The following PRKG1 variants were observed in gnomAD, a reference collection of about 807,000 sequenced individuals.
The protein encoded by PRKG1 is cGMP-dependent protein kinase 1.
A neutral mutation model predicts 88.1 loss-of-function variants in PRKG1; 35 were observed. That is an observed-to-expected ratio of 0.40 (90% CI 0.30 to 0.53). The LOEUF is 0.53. PRKG1 is among the 20% of genes least tolerant of loss of function. The pLI, the probability that PRKG1 is intolerant of heterozygous loss-of-function variation, is 0.59. For missense variants in PRKG1, 540 were observed against 839.8 expected (o/e 0.64, Z 4.41); for synonymous variants, 303 against 292.5 (o/e 1.04, Z -0.37).
intron 1 of PRKG1, among the ~76,000 whole-genome samples, chr10:51,111,214 T>C (rs1464317786): frequency 1.3e-5 from 2 of 152,180 alleles, no homozygotes; most frequent in Non-Finnish European, 2.9e-5. Flanking sequence ...CATTAAATCA[T>C]TTAATTAGGA....
intron 2 of PRKG1, among the ~76,000 whole-genome samples, chr10:51,437,145 A>C (rs1838956729): frequency 6.6e-6 from 1 of 152,008 alleles, no homozygotes. Flanking sequence ...TAGGAGAGAT[A>C]ATTTTTCCCA....
At chr10:52,037,719 C>T (rs919112857) in intron 5 of PRKG1, among the ~76,000 whole-genome samples, 7 of 152,086 alleles carry the variant, frequency 4.6e-5, no homozygotes, top group African/African-American at 1.7e-4. Flanking sequence ...AAACTGTAAG[C>T]CAGACCAGGT....
chr10:52,244,087 CTTT>C (rs1840937843), intron 9 of PRKG1, among the ~76,000 whole-genome samples: 1 of 152,038 alleles, frequency 6.6e-6, no homozygotes, highest in Admixed American at 6.6e-5. Flanking sequence ...CTTTCTATTT[CTTT>C]AAGTTATTCC....
chr10:52,055,143 A>G (rs1157564610), intron 6 of PRKG1, among the ~76,000 whole-genome samples: 1 of 152,328 alleles, frequency 6.6e-6, no homozygotes, highest in African/African-American at 2.4e-5. Context: ...CTCCAAAAAA[A>G]GAGAAAGTAA....
intron 3 of PRKG1, among the ~76,000 whole-genome samples, chr10:51,566,808 T>C (rs546507273): frequency 8.5e-5 from 13 of 152,112 alleles, no homozygotes; most frequent in African/African-American, 3.1e-4. Context: ...TGTCCTGTGA[T>C]CACTGATTGT....
chr10:51,916,555 T>A (rs1442461212), intron 5 of PRKG1, among the ~76,000 whole-genome samples: 1 of 152,222 alleles, frequency 6.6e-6, no homozygotes, highest in Admixed American at 6.5e-5. Flanking sequence ...GCTTTCACTT[T>A]ACTCTGTGGA....
intron 9 of PRKG1, among the ~76,000 whole-genome samples, chr10:52,190,447 T>C (rs540985857): frequency 2.2e-4 from 33 of 152,206 alleles, no homozygotes; most frequent in Non-Finnish European, 4.4e-4. Context: ...TTAATAAATA[T>C]GAATATGGTG....
At chr10:51,186,539 G>A (rs1033466709) in intron 2 of PRKG1, among the ~76,000 whole-genome samples, 1 of 151,962 alleles carries the variant, frequency 6.6e-6, no homozygotes, top group South Asian at 2.1e-4. Context: ...TGGGCAAACA[G>A]TGTCTCAGGG....
chr10:51,776,932 G>C lies in PRKG1; in HGVS notation c.593-27653G>C, dbSNP rs144039459. Among the ~76,000 whole-genome samples, 15 of 152,276 alleles carry C rather than the reference G, an allele frequency of 9.9e-5. No individual in the cohort carries two copies. In the East Asian group the frequency reaches 2.9e-3, roughly 29 times the overall value. On this transcript the variant is annotated intron_variant, in intron 3 of 17. Coordinates refer to ENST00000373980, the MANE Select transcript of PRKG1 (RefSeq NM_006258.4). ...TGTTTGGAAATCCTATGCCACGGAAGACATTTGAAGTCTTATAGAAGCTCT... is the reference window on the plus strand; with the variant it reads ...TGTTTGGAAATCCTATGCCACGGAACACATTTGAAGTCTTATAGAAGCTCT...
chr10:51,125,331 T>A (rs559447296), intron 1 of PRKG1, among the ~76,000 whole-genome samples: 18 of 151,484 alleles, frequency 1.2e-4, no homozygotes, highest in Admixed American at 1.2e-3. Context: ...TTCAAAAAAA[T>A]TAATAAATTA....
At chr10:51,053,209 G>A (rs1049625767) in intron 1 of PRKG1, among the ~76,000 whole-genome samples, 11 of 151,564 alleles carry the variant, frequency 7.3e-5, no homozygotes, top group South Asian at 6.3e-4. Flanking sequence ...CAGTCTGGGC[G>A]ATAGCGCAAG....
intron 2 of PRKG1, among the ~76,000 whole-genome samples, chr10:51,257,241 T>G (rs1218182266): frequency 5.9e-5 from 9 of 151,734 alleles, no homozygotes. Context: ...AGTGGGATGC[T>G]TAGAGATGCC....
chr10:51,215,933 G>C (rs1366168309), intron 2 of PRKG1, among the ~76,000 whole-genome samples: 1 of 152,224 alleles, frequency 6.6e-6, no homozygotes, highest in African/African-American at 2.4e-5. Context: ...TGTCTTTGAA[G>C]ACATAACATT....
At chr10:52,204,570 G>T (rs1839766317) in intron 9 of PRKG1, among the ~76,000 whole-genome samples, 1 of 152,080 alleles carries the variant, frequency 6.6e-6, no homozygotes, top group African/African-American at 2.4e-5. Context: ...TGTCTTTACT[G>T]CAGTGTCTGA....
At chr10:51,059,418 G>A (rs1843670000) in intron 1 of PRKG1, among the ~76,000 whole-genome samples, 1 of 151,224 alleles carries the variant, frequency 6.6e-6, no homozygotes. Flanking sequence ...TTTTTTAGAG[G>A]CAGAATCTTG....
chr10:51,115,410 CAGAGAG>C (rs10599349), intron 1 of PRKG1, among the ~76,000 whole-genome samples: 6 of 111,958 alleles, frequency 5.4e-5, no homozygotes, highest in Non-Finnish European at 7.3e-5. Flanking sequence ...GGGGGAGAGA[CAGAGAG>C]AGAGAGAGAG....
intron 3 of PRKG1, chr10:51,699,616 T>A: frequency 2.0e-6 from 3 of 1,521,694 alleles, no homozygotes; most frequent in Non-Finnish European, 2.6e-6. Context: ...GACCGACACT[T>A]CCGCTGAGCA....
intron 2 of PRKG1, among the ~76,000 whole-genome samples, chr10:51,448,866 A>G (rs1304548094): frequency 4.6e-5 from 7 of 152,014 alleles, no homozygotes; most frequent in Admixed American, 4.6e-4. Context: ...TGCTACTTAC[A>G]TTTATTTGAA....
At chr10:51,578,588 A>T (rs1364095496) in intron 3 of PRKG1, among the ~76,000 whole-genome samples, 1 of 152,114 alleles carries the variant, frequency 6.6e-6, no homozygotes, top group Non-Finnish European at 1.5e-5. Context: ...GAACTTCAGG[A>T]TTAGTGAAAC....
Sources: allele counts gnomAD v4.1 joint callset (sites outside exome capture counted in the v4.1 genomes callset), GRCh38; gene constraint gnomAD v4.1.1; transcripts MANE v1.5; gene names NCBI Gene and HGNC (gene_info 2026-07-23, HGNC 2026-07-21).